The following CAMKMT variants were observed in gnomAD, a reference collection of about 807,000 sequenced individuals.
The protein encoded by CAMKMT is calmodulin-lysine N-methyltransferase, also known as CaM KMT.
In CAMKMT, 53 loss-of-function variants were observed where a neutral mutation model predicts 48.0. The ratio of observed to expected loss-of-function variants is 1.10; its 90% CI spans 0.89 to 1.39. The LOEUF is 1.39. Ranked by LOEUF, CAMKMT falls within the 40% of genes most tolerant of loss-of-function variation. CAMKMT has a pLI of 0.00. For synonymous variants in CAMKMT, 165 were observed against 152.3 expected, an observed-to-expected ratio of 1.08 and a Z score of -0.61; for missense variants, 428 against 402.7, an observed-to-expected ratio of 1.06 and a Z score of -0.54.
chr2:44,565,988 T>C (rs1391299604), intron 3 of CAMKMT, among the ~76,000 whole-genome samples: 2 of 152,184 alleles, frequency 1.3e-5, no homozygotes, highest in Non-Finnish European at 2.9e-5. Context: ...CTTGTAAATC[T>C]GTGGGGTAAA....
chr2:44,489,499 G>A (rs144687489), intron 3 of CAMKMT, among the ~76,000 whole-genome samples: 2,546 of 152,160 alleles, frequency 0.017, 35 homozygotes, highest in Non-Finnish European at 0.024. Flanking sequence ...ACCTGCCTTG[G>A]CCTCCCAAAG....
intron 7 of CAMKMT, chr2:44,723,654 A>AAATAAATG (rs1022118142): frequency 7.0e-6 from 1 of 143,168 alleles, no homozygotes; most frequent in East Asian, 2.0e-4. Flanking sequence ...ATAAATAAAT[A>AAATAAATG]AAATAATAAA....
intron 3 of CAMKMT, among the ~76,000 whole-genome samples, chr2:44,497,142 A>G (rs1284577140): frequency 6.6e-6 from 1 of 152,198 alleles, no homozygotes; most frequent in African/African-American, 2.4e-5. Context: ...TAAATTAGAA[A>G]ACTGATTTCG....
At chr2:44,715,488 C>CATTT in intron 7 of CAMKMT, 135 bp downstream of exon 7, 4 of 637,696 alleles carry the variant, frequency 6.3e-6, no homozygotes, top group Non-Finnish European at 5.6e-6. Flanking sequence ...AAGCACTTTA[C>CATTT]AAGTATTATC....
intron 3 of CAMKMT, among the ~76,000 whole-genome samples, chr2:44,579,971 A>C (rs1244720436): frequency 6.6e-6 from 1 of 152,180 alleles, no homozygotes; most frequent in Non-Finnish European, 1.5e-5. Flanking sequence ...TACAGAAATG[A>C]GGTGTCCTAG....
At chr2:44,679,884 C>T (rs1048842404) in intron 3 of CAMKMT, among the ~76,000 whole-genome samples, 5 of 152,172 alleles carry the variant, frequency 3.3e-5, no homozygotes, top group Middle Eastern at 3.2e-3. Flanking sequence ...TACTGATCTC[C>T]GCTAAGTGGT....
At chr2:44,397,504 G>C (rs187003887) in intron 3 of CAMKMT, among the ~76,000 whole-genome samples, 1 of 152,200 alleles carries the variant, frequency 6.6e-6, no homozygotes, top group East Asian at 1.9e-4. Context: ...GGTTGGCTTC[G>C]GTTGCTAGAT....
At chr2:44,735,001 C>T (rs1679280353) in intron 7 of CAMKMT, among the ~76,000 whole-genome samples, 1 of 152,158 alleles carries the variant, frequency 6.6e-6, no homozygotes, top group Non-Finnish European at 1.5e-5. Flanking sequence ...AGTTGTACTT[C>T]TATCCATTTC....
At chr2:44,728,411 T>G (rs1678903809) in intron 7 of CAMKMT, among the ~76,000 whole-genome samples, 1 of 152,214 alleles carries the variant, frequency 6.6e-6, no homozygotes, top group African/African-American at 2.4e-5. Context: ...CAGAGATTGG[T>G]ATCAGGCTGA....
intron 3 of CAMKMT, among the ~76,000 whole-genome samples, chr2:44,685,121 G>C (rs1676266012): frequency 6.6e-6 from 1 of 151,778 alleles, no homozygotes; most frequent in Non-Finnish European, 1.5e-5. Flanking sequence ...TATGTTCAAA[G>C]ACAACATAAA....
intron 3 of CAMKMT, among the ~76,000 whole-genome samples, chr2:44,428,518 G>A (rs933185292): frequency 2.6e-5 from 4 of 152,142 alleles, no homozygotes; most frequent in South Asian, 4.1e-4. Flanking sequence ...ATTTAGGGCC[G>A]CAGGTCCAGG....
At chr2:44,602,792 G>A (rs1282279254) in intron 3 of CAMKMT, among the ~76,000 whole-genome samples, 2 of 152,006 alleles carry the variant, frequency 1.3e-5, no homozygotes, top group Non-Finnish European at 2.9e-5. Flanking sequence ...TCGCATCCAC[G>A]ATCCAGTGAC....
intron 3 of CAMKMT, among the ~76,000 whole-genome samples, chr2:44,645,996 T>C (rs117294266): frequency 6.6e-6 from 1 of 152,380 alleles, no homozygotes; most frequent in East Asian, 1.9e-4. Context: ...GCAACACTTA[T>C]GACCATTATA....
chr2:44,419,953 G>A (rs893664533), intron 3 of CAMKMT, among the ~76,000 whole-genome samples: 3 of 152,072 alleles, frequency 2.0e-5, no homozygotes, highest in African/African-American at 7.2e-5. Context: ...AGACACAATA[G>A]ATGATGTAAT....
At chr2:44,594,424 G>A (rs1320749946) in intron 3 of CAMKMT, among the ~76,000 whole-genome samples, 1 of 152,096 alleles carries the variant, frequency 6.6e-6, no homozygotes, top group African/African-American at 2.4e-5. Context: ...CTACAAGGCT[G>A]CAGTAACCAA....
chr2:44,407,700 A>G (rs1351318592), intron 3 of CAMKMT, among the ~76,000 whole-genome samples: 1 of 152,208 alleles, frequency 6.6e-6, no homozygotes, highest in Non-Finnish European at 1.5e-5. Flanking sequence ...GCCATGGCTA[A>G]AAGGATTAGG....
chr2:44,468,934 A>G (rs539616689), intron 3 of CAMKMT, among the ~76,000 whole-genome samples: 1 of 152,254 alleles, frequency 6.6e-6, no homozygotes, highest in South Asian at 2.1e-4. Flanking sequence ...ACAACAACAA[A>G]AAAACAAAGG....
At chr2:44,681,482 T>G (rs1676016931) in intron 3 of CAMKMT, among the ~76,000 whole-genome samples, 1 of 151,958 alleles carries the variant, frequency 6.6e-6, no homozygotes, top group African/African-American at 2.4e-5. Context: ...ACCAAATCCT[T>G]ATTTGCTCAG....
intron 3 of CAMKMT, among the ~76,000 whole-genome samples, chr2:44,635,718 C>T (rs1673092236): frequency 6.6e-6 from 1 of 152,152 alleles, no homozygotes; most frequent in South Asian, 2.1e-4. Context: ...TCATATGATT[C>T]CTTCCAGTTC....
Sources: gnomAD v4.1 joint callset for allele counts (sites outside exome capture counted in the v4.1 genomes callset) on GRCh38, gnomAD v4.1.1 for gene constraint, MANE v1.5 for transcripts, NCBI Gene and HGNC (gene_info 2026-07-23, HGNC 2026-07-21) for gene names.